RYR2: variants seen among roughly 807,000 people sequenced by gnomAD.
The protein encoded by RYR2 is ryanodine receptor 2.
A neutral mutation model predicts 601.1 loss-of-function variants in RYR2; 227 were observed. The ratio of observed to expected loss-of-function variants is 0.38; its 90% CI spans 0.34 to 0.42. The LOEUF (loss-of-function observed/expected upper bound fraction) is 0.42. RYR2 is among the 10% of genes least tolerant of loss of function. The probability of loss-of-function intolerance (pLI) is 1.00; values close to 1 mark genes in which losing one functional copy is unlikely to be tolerated. For missense variants in RYR2, 4,646 were observed against 6,156.5 expected (o/e 0.75, Z 8.21); for synonymous variants, 2,223 against 2,175.1 (o/e 1.02, Z -0.61).
Position 237,643,408 on chromosome 1 carries a change from G to T in RYR2, c.7303G>T (p.Val2435Phe), listed in dbSNP as rs188835713. 2.5e-6 allele frequency: 4 copies of T among 1,613,802 alleles called. No homozygotes were observed. Among genetic ancestry groups the T allele is most frequent in the East Asian group, 4.5e-5 (2 of 44,862 alleles). ...CATTCCCCTGGGAGATTTGGTGGGC[G>T]TTATCAGCATCGCTTTTCAGATGCC... is the stretch of plus-strand genomic sequence containing the variant. ...SLIPLGDLVG[V>F]ISIAFQMPTI... Residue 2435 changes from valine (V) to phenylalanine (F), a missense_variant, in exon 48 of 105, where the codon GTT becomes TTT. By Grantham distance (50) the Val-to-Phe change is conservative. Coordinates refer to ENST00000366574, the MANE Select transcript of RYR2 (RefSeq NM_001035.3).
chr1:237,719,126 G>A (rs1253352346), intron 73 of RYR2, among the ~76,000 whole-genome samples: 2 of 152,018 alleles, frequency 1.3e-5, no homozygotes, highest in African/African-American at 2.4e-5. Flanking sequence ...GGATGGTGGT[G>A]CACACCTGTA....
At position 237,591,825 on chromosome 1, in the gene RYR2, A is replaced by C. The variant is rs1675234923; in HGVS notation, c.4247A>C (p.Asp1416Ala). ...GATGTCCTTGCTGATGATCGGGATG[A>C]CTATGATTTCTTGATGCAAACGTCC... Reference protein sequence around the residue: ...TEDVLADDRDDYDFLMQTSTY... With the variant: ...TEDVLADDRDAYDFLMQTSTY... The change falls in exon 32 of 105, where the codon GAC becomes GCC. Residue 1416 changes from aspartate (D) to alanine (A), a missense_variant. Physicochemically the swap from Asp to Ala is moderately radical, Grantham distance 126. Transcript: ENST00000366574. 1 of 1,613,370 alleles carries C rather than the reference A, an allele frequency of 6.2e-7. No homozygotes were observed. Among genetic ancestry groups the C allele is most frequent in the East Asian group, 2.2e-5 (1 of 44,814 alleles).
intron 3 of RYR2, among the ~76,000 whole-genome samples, chr1:237,354,159 T>C (rs1029107484): frequency 6.6e-6 from 1 of 152,228 alleles, no homozygotes; most frequent in Non-Finnish European, 1.5e-5. Context: ...AAGCTTTTCT[T>C]TGGGTATTTG....
At chr1:237,402,408 AT>A (rs200918659) in intron 10 of RYR2, among the ~76,000 whole-genome samples, 4,103 of 139,406 alleles carry the variant, frequency 0.029, 109 homozygotes, top group African/African-American at 0.07. Context: ...AGAAAAAAAA[AT>A]ATATATATGT....
chr1:237,563,368 G>A (rs1403717018), intron 27 of RYR2, among the ~76,000 whole-genome samples: 1 of 147,746 alleles, frequency 6.8e-6, no homozygotes, highest in Non-Finnish European at 1.5e-5. Context: ...CTGAGATGGT[G>A]CCATCGCACT....
intron 13 of RYR2, among the ~76,000 whole-genome samples, chr1:237,444,420 A>C (rs1455464361): frequency 6.6e-6 from 1 of 152,194 alleles, no homozygotes; most frequent in Non-Finnish European, 1.5e-5. Context: ...TTTTTATATA[A>C]GGAGTTTCCT....
chr1:237,631,348 TA>T, intron 41 of RYR2, 78 bp from the exon 42 acceptor site: 2 of 862,506 alleles, frequency 2.3e-6, no homozygotes, highest in Non-Finnish European at 3.7e-6. Context: ...AAATTATTTC[TA>T]AAAGATTTAT....
At chr1:237,598,132 A>G (rs186060075) in intron 34 of RYR2, among the ~76,000 whole-genome samples, 2 of 152,374 alleles carry the variant, frequency 1.3e-5, no homozygotes, top group East Asian at 1.9e-4. Context: ...TTGTGAATTT[A>G]TATGCATTCA....
chr1:237,578,950 C>G (rs1410978346), intron 29 of RYR2, among the ~76,000 whole-genome samples: 1 of 152,114 alleles, frequency 6.6e-6, no homozygotes, highest in Non-Finnish European at 1.5e-5. Context: ...TTGGGTTTAT[C>G]TCTCCCTGTT....
chr1:237,206,711 G>A (rs777147792), intron 1 of RYR2, among the ~76,000 whole-genome samples: 13 of 152,122 alleles, frequency 8.5e-5, no homozygotes, highest in Non-Finnish European at 1.5e-4. Context: ...TTTAGTTTGT[G>A]TCCATTCTGT....
At chr1:237,391,924 C>T (rs1702419833) in intron 10 of RYR2, among the ~76,000 whole-genome samples, 1 of 152,006 alleles carries the variant, frequency 6.6e-6, no homozygotes, top group East Asian at 1.9e-4. Context: ...TGGATTGAAT[C>T]CTGACGTGTT....
At chr1:237,205,305 G>A (rs1390214278) in intron 1 of RYR2, among the ~76,000 whole-genome samples, 1 of 152,190 alleles carries the variant, frequency 6.6e-6, no homozygotes, top group African/African-American at 2.4e-5. Flanking sequence ...GGCAAGGGGA[G>A]GCAGAGCTGT....
intron 2 of RYR2, among the ~76,000 whole-genome samples, chr1:237,292,514 G>A (rs1692338463): frequency 1.3e-5 from 2 of 151,964 alleles, no homozygotes; most frequent in South Asian, 2.1e-4. Context: ...TTAGAATATC[G>A]GTATTTATTT....
intron 26 of RYR2, among the ~76,000 whole-genome samples, chr1:237,549,628 C>CTTTTT (rs57579159): frequency 9.0e-5 from 7 of 77,730 alleles, no homozygotes; most frequent in African/African-American, 1.6e-4. Flanking sequence ...CCATAGCTTT[C>CTTTTT]TTTTTTTTTT....
chr1:237,391,402 T>C (rs1702373131), intron 10 of RYR2, among the ~76,000 whole-genome samples: 1 of 152,222 alleles, frequency 6.6e-6, no homozygotes, highest in African/African-American at 2.4e-5. Flanking sequence ...ATTTTTTACC[T>C]TATAATTCTT....
At chr1:237,092,514 CT>C (rs11324799) in intron 1 of RYR2, among the ~76,000 whole-genome samples, 100,234 of 128,046 alleles carry the variant, frequency 0.78, 38,728 homozygotes, top group South Asian at 0.89. Context: ...CACAGATAGT[CT>C]TTTTTTTTTT....
At chr1:237,814,287 A>AGTTGAGAACTAAATT (rs1464093871) in intron 100 of RYR2, among the ~76,000 whole-genome samples, 1 of 152,226 alleles carries the variant, frequency 6.6e-6, no homozygotes, top group Non-Finnish European at 1.5e-5. Flanking sequence ...TCTTTAATTT[A>AGTTGAGAACTAAATT]GTTCTCAAAA....
intron 17 of RYR2, among the ~76,000 whole-genome samples, chr1:237,474,668 T>C (rs1213080350): frequency 6.6e-6 from 1 of 152,172 alleles, no homozygotes; most frequent in Non-Finnish European, 1.5e-5. Flanking sequence ...CTAAACTCCC[T>C]GGGAGAGCTT....
chr1:237,515,077 G>T (rs1033834955), intron 24 of RYR2, among the ~76,000 whole-genome samples: 1 of 152,108 alleles, frequency 6.6e-6, no homozygotes, highest in African/African-American at 2.4e-5. Context: ...TATGTAAATT[G>T]TTGACAGTGA....
Sources: gnomAD v4.1 joint callset for allele counts (sites outside exome capture counted in the v4.1 genomes callset) on GRCh38, gnomAD v4.1.1 for gene constraint, MANE v1.5 for transcripts, NCBI Gene and HGNC (gene_info 2026-07-23, HGNC 2026-07-21) for gene names.